The following PGAP4 variants were observed in gnomAD, a reference collection of about 807,000 sequenced individuals.
The protein encoded by PGAP4 is post-GPI attachment to proteins GalNAc transferase 4, also known as GPI-N-acetylgalactosamine transferase PGAP4.
In PGAP4, 12 loss-of-function variants were observed where a neutral mutation model predicts 28.2. The ratio of observed to expected loss-of-function variants is 0.42; its 90% CI spans 0.27 to 0.69. The LOEUF is 0.69. Ranked by LOEUF, PGAP4 falls within the 30% of genes least tolerant of loss-of-function variation. PGAP4 has a pLI of 0.22. For missense variants in PGAP4, 425 were observed against 513.5 expected (o/e 0.83, Z 1.67); for synonymous variants, 205 against 211.8 (o/e 0.97, Z 0.28).
intron 1 of PGAP4, among the ~76,000 whole-genome samples, chr9:101,480,405 G>A (rs1306735664): frequency 2.0e-5 from 3 of 151,962 alleles, no homozygotes; most frequent in African/African-American, 7.3e-5. Flanking sequence ...CTGGTTTTGT[G>A]GTAGAGAGAA....
intron 1 of PGAP4, among the ~76,000 whole-genome samples, chr9:101,532,138 C>T (rs557394327): frequency 3.3e-5 from 5 of 152,158 alleles, no homozygotes; most frequent in South Asian, 2.1e-4. Flanking sequence ...GGTGTGGTGG[C>T]GTGTGCCTGT....
chr9:101,504,274 T>C (rs1826831096), intron 2 of PGAP4, among the ~76,000 whole-genome samples: 1 of 149,784 alleles, frequency 6.7e-6, no homozygotes, highest in African/African-American at 2.5e-5. Flanking sequence ...TCTCTTTTCT[T>C]TTTCCTGCTT....
chr9:101,527,627 C>T (rs1325509710), intron 2 of PGAP4, among the ~76,000 whole-genome samples: 2 of 152,124 alleles, frequency 1.3e-5, no homozygotes, highest in African/African-American at 4.8e-5. Context: ...ACAATTTTCT[C>T]ATGGGCCACT....
rs1365221731 is a variant in PGAP4, at chr9:101,477,085, G to A, written c.8C>T (p.Thr3Ile). The stretch of plus-strand genomic sequence containing the variant: ...GAGCATGGCAGCTGGAGAGGTTGAA[G>A]TGCTCATGAGGTCAACTTTTGTTCA... MS[T>I]STSPAAMLLR... The change falls in exon 2 of 2, where the codon ACT (threonine) becomes ATT (isoleucine). Residue 3 changes from threonine (T) to isoleucine (I), a missense_variant. Coordinates refer to ENST00000374848, the MANE Select transcript of PGAP4 (RefSeq NM_032342.3). The A allele has an allele frequency of 5.1e-6, 8 of 1,577,512 alleles. No individual in the cohort carries two copies. The highest frequency in any genetic ancestry group is 1.2e-5 in the South Asian group (1 of 84,356).
intron 2 of PGAP4, among the ~76,000 whole-genome samples, chr9:101,500,961 C>G (rs1273103055): frequency 3.3e-5 from 5 of 152,048 alleles, no homozygotes; most frequent in Non-Finnish European, 7.4e-5. Context: ...TCCTTAAATT[C>G]TATTCCAGTG....
intron 1 of PGAP4, among the ~76,000 whole-genome samples, chr9:101,484,329 A>T (rs1432038904): frequency 6.6e-6 from 1 of 152,144 alleles, no homozygotes; most frequent in Non-Finnish European, 1.5e-5. Context: ...ACTGCAGGCA[A>T]ATGAAATGCC....
rs1340546436 is a variant in PGAP4, at chr9:101,475,111, C to G, written c.*770G>C. ...TGTAAAGAGCTCCCCTATATTGTAT[C>G]ATTCTGAAATGTCCAATTTTCAAAG... On this transcript the variant is annotated 3_prime_UTR_variant, in exon 2 of 2. Transcript: ENST00000374848. 1.3e-5 allele frequency: 2 copies of G among 151,550 alleles called. No homozygotes were observed. The highest frequency in any genetic ancestry group is 2.9e-5 in the Non-Finnish European group (2 of 68,004). The allele number at this position is 151,550 out of a possible 1,614,324, so 9.4% of individuals were successfully genotyped here. A position where few individuals can be genotyped will look rare whatever the true frequency, so the allele number is the denominator to read the frequency against.
intron 1 of PGAP4, among the ~76,000 whole-genome samples, chr9:101,482,794 C>T (rs1826523742): frequency 6.6e-6 from 1 of 152,156 alleles, no homozygotes; most frequent in South Asian, 2.1e-4. Flanking sequence ...TACTGGGGCC[C>T]TTTCTATGAA....
chr9:101,482,084 T>C (rs1826505886), intron 1 of PGAP4, among the ~76,000 whole-genome samples: 2 of 152,188 alleles, frequency 1.3e-5, no homozygotes, highest in African/African-American at 4.8e-5. Flanking sequence ...ACTCACTAAT[T>C]TGATCAATTT....
intron 2 of PGAP4, among the ~76,000 whole-genome samples, chr9:101,527,153 A>C (rs1827041944): frequency 6.6e-6 from 1 of 152,202 alleles, no homozygotes; most frequent in Admixed American, 6.5e-5. Context: ...GTTGACGAGG[A>C]TGGCAGCCCC....
chr9:101,475,845 G>C lies in PGAP4; in HGVS notation c.*36C>G. 3.2e-6 allele frequency: 5 copies of C among 1,577,188 alleles called. No individual in the cohort carries two copies. The highest frequency in any genetic ancestry group is 4.3e-6 in the Non-Finnish European group (5 of 1,158,390). On this transcript the variant is annotated 3_prime_UTR_variant, in exon 2 of 2. Coordinates refer to ENST00000374848, the MANE Select transcript of PGAP4 (RefSeq NM_032342.3). ...AAGAGATAAATATTTGAATCTTCAA[G>C]AAGTGGCCAACTTCAGAAAGGCATC...
Position 101,492,736 on chromosome 9 carries a change from C to T in PGAP4, c.-164-3536G>A, listed in dbSNP as rs142439351. On this transcript the variant is annotated intron_variant, in intron 2 of 3. Transcript: ENST00000374851. ...GCTTCTGATTTTTTAGACTGTCCCC[C>T]TAAGTATCTTTCCTGTGACTGAGTA... 3.4e-3 allele frequency among the ~76,000 whole-genome samples: 522 copies of T among 152,144 alleles called. 2 individuals carry two copies. Among genetic ancestry groups the T allele is most frequent in the Middle Eastern group, 0.01 (3 of 294 alleles).
chr9:101,527,679 A>G (rs1284104202), intron 2 of PGAP4, among the ~76,000 whole-genome samples: 2 of 152,234 alleles, frequency 1.3e-5, no homozygotes, highest in South Asian at 2.1e-4. Flanking sequence ...GTTAAAATGT[A>G]TAAATATAAA....
chr9:101,512,987 A>G (rs1026796964), intron 2 of PGAP4, among the ~76,000 whole-genome samples: 4 of 152,204 alleles, frequency 2.6e-5, no homozygotes, highest in Admixed American at 1.3e-4. Flanking sequence ...AGCATTAACC[A>G]TGCAAATTTC....
intron 2 of PGAP4, among the ~76,000 whole-genome samples, chr9:101,493,492 AT>A (rs1181294570): frequency 2.0e-5 from 3 of 151,836 alleles, no homozygotes; most frequent in African/African-American, 7.3e-5. Context: ...TATGTAAAAT[AT>A]TTTTTTTCAG....
chr9:101,487,367 C>A (rs1658027746), upstream of PGAP4, among the ~76,000 whole-genome samples: 1 of 152,240 alleles, frequency 6.6e-6, no homozygotes, highest in African/African-American at 2.4e-5. Flanking sequence ...GGAACGATAT[C>A]TCTCAATGCG....
intron 2 of PGAP4, among the ~76,000 whole-genome samples, chr9:101,498,433 A>C (rs1447823175): frequency 6.6e-6 from 1 of 151,644 alleles, no homozygotes; most frequent in Non-Finnish European, 1.5e-5. Context: ...GAAGGTGTCC[A>C]TGTTGTTAGT....
chr9:101,479,681 G>A (rs1319068327), intron 1 of PGAP4, among the ~76,000 whole-genome samples: 1 of 152,202 alleles, frequency 6.6e-6, no homozygotes, highest in Non-Finnish European at 1.5e-5. Context: ...TACCTATATT[G>A]ATCAGCTTTG....
At position 101,473,559 on chromosome 9, in the gene PGAP4, C is replaced by T. The variant is rs1826213302; in HGVS notation, c.*2322G>A. 2 of 152,234 alleles carry T rather than the reference C, an allele frequency of 1.3e-5. No homozygotes were observed. The highest frequency in any genetic ancestry group is 1.5e-5 in the Non-Finnish European group (1 of 68,072). 9.4% of individuals were successfully genotyped at this position (152,234 alleles called of 1,614,324 possible). ...CAAAGACAACTGGCAGAGTTCACTCCATGGGGAAAAGGCATGTTAGTGTGT... is the reference window on the plus strand; with the variant it reads ...CAAAGACAACTGGCAGAGTTCACTCTATGGGGAAAAGGCATGTTAGTGTGT... On this transcript the variant is annotated 3_prime_UTR_variant, in exon 2 of 2. Coordinates refer to ENST00000374848, the MANE Select transcript of PGAP4 (RefSeq NM_032342.3).
Sources: gnomAD v4.1 joint callset for allele counts (sites outside exome capture counted in the v4.1 genomes callset) on GRCh38, gnomAD v4.1.1 for gene constraint, MANE v1.5 for transcripts, NCBI Gene and HGNC (gene_info 2026-07-23, HGNC 2026-07-21) for gene names.